Variants in MICAL3 observed in about 807,000 individuals in gnomAD.
MICAL3 encodes the protein microtubule associated monooxygenase, calponin and LIM domain containing 3, also known as [F-actin]-monooxygenase MICAL3.
A neutral mutation model predicts 207.4 loss-of-function variants in MICAL3; 62 were observed. The ratio of observed to expected loss-of-function variants is 0.30; its 90% CI spans 0.24 to 0.37. The LOEUF is 0.37. MICAL3 is among the 10% of genes least tolerant of loss of function. MICAL3 has a pLI of 1.00. For synonymous variants in MICAL3, 1,077 were observed against 1,069.3 expected, an observed-to-expected ratio of 1.01 and a Z score of -0.14; for missense variants, 2,368 against 2,635.6, an observed-to-expected ratio of 0.90 and a Z score of 2.22.
chr22:17,847,916 C>T (rs989876917), intron 19 of MICAL3, among the ~76,000 whole-genome samples: 8 of 152,144 alleles, frequency 5.3e-5, no homozygotes, highest in African/African-American at 1.2e-4. Context: ...CCTCCCAGCT[C>T]GGCCTCCCAA....
At chr22:18,001,139 G>C (rs1463746994) in intron 1 of MICAL3, 1 of 152,170 alleles carries the variant, frequency 6.6e-6, no homozygotes, top group African/African-American at 2.4e-5. Context: ...CGCGAGGCGG[G>C]GGCTTCCTCG....
chr22:17,911,793 C>CT (rs1397691124), intron 1 of MICAL3, among the ~76,000 whole-genome samples: 1 of 98,070 alleles, frequency 1.0e-5, no homozygotes, highest in African/African-American at 9.1e-5. Flanking sequence ...GATCATGCCA[C>CT]TGCACTCCAG....
chr22:18,023,326 C>G (rs1467232517), intron 1 of MICAL3, among the ~76,000 whole-genome samples: 1 of 152,100 alleles, frequency 6.6e-6, no homozygotes, highest in Admixed American at 6.6e-5. Context: ...ACCCAGGTAG[C>G]AGGATTTCTA....
At chr22:17,797,070 C>T (rs944273577) in intron 29 of MICAL3, among the ~76,000 whole-genome samples, 6 of 152,208 alleles carry the variant, frequency 3.9e-5, no homozygotes, top group African/African-American at 1.4e-4. Context: ...GATGAGCCCA[C>T]ACACTGAACC....
intron 1 of MICAL3, among the ~76,000 whole-genome samples, chr22:17,928,158 G>A (rs902311847): frequency 8.5e-5 from 13 of 152,072 alleles, no homozygotes. Flanking sequence ...CCTGTCCGTG[G>A]GCCGGGCGCG....
chr22:17,889,239 C>G lies in MICAL3; in HGVS notation c.1695-9G>C. The G allele has an allele frequency of 6.2e-7, 1 of 1,603,364 alleles. No individual in the cohort carries two copies. The highest frequency in any genetic ancestry group is 1.3e-5 in the African/African-American group (1 of 74,864). Reference sequence around the variant, plus strand: ...CCAAAGAATCAAAATCTCTGAGAAACAGGACAAGGAAAACATATCAAGATA... The same window carrying G: ...CCAAAGAATCAAAATCTCTGAGAAAGAGGACAAGGAAAACATATCAAGATA... On this transcript the variant is annotated splice_polypyrimidine_tract_variant and intron_variant, in intron 12 of 31. Transcript: ENST00000441493.
At chr22:17,904,909 G>GT (rs1931607655) in intron 2 of MICAL3, 70 bp from the exon 3 acceptor site, 2 of 1,162,442 alleles carry the variant, frequency 1.7e-6, no homozygotes, top group Non-Finnish European at 2.6e-6. Context: ...TCTCATGATT[G>GT]TAAGATCATC....
At chr22:17,975,756 G>A (rs1273984336) in intron 1 of MICAL3, among the ~76,000 whole-genome samples, 1 of 152,122 alleles carries the variant, frequency 6.6e-6, no homozygotes, top group Non-Finnish European at 1.5e-5. Flanking sequence ...CACCCTCCTG[G>A]CATATGTCCT....
In MICAL3 at chr22:17,818,269, G is replaced by T; in HGVS notation, c.4392C>A (p.Pro1464=). 4.0e-6 allele frequency: 6 copies of T among 1,515,200 alleles called. No individual in the cohort carries two copies. The highest frequency in any genetic ancestry group is 5.3e-6 in the Non-Finnish European group (6 of 1,136,368). 93.9% of individuals were successfully genotyped at this position (1,515,200 alleles called of 1,614,324 possible). The change falls in exon 26 of 32, where the codon CCC becomes CCA. Residue 1464 remains proline, a synonymous_variant. Coordinates refer to ENST00000441493, the MANE Select transcript of MICAL3 (RefSeq NM_015241.3). ...TPPSSPPPPP[P]PGEEPATLRR... ...GCAAGGTGGCGGGCTCCTCGCCCGG[G>T]GGTGGCGGTGGGGGCGGGCTGGAGG... is the stretch of plus-strand genomic sequence containing the variant.
intron 1 of MICAL3, among the ~76,000 whole-genome samples, chr22:17,984,154 G>A (rs1264280731): frequency 6.6e-6 from 1 of 152,070 alleles, no homozygotes; most frequent in Admixed American, 6.6e-5. Flanking sequence ...CCATCTATCT[G>A]ACATCTTGTT....
chr22:17,994,551 C>G (rs1294015195), intron 1 of MICAL3, among the ~76,000 whole-genome samples: 2 of 152,052 alleles, frequency 1.3e-5, no homozygotes, highest in Non-Finnish European at 2.9e-5. Flanking sequence ...TGTCTCTCCA[C>G]AAAATTTAAA....
chr22:17,847,186 G>A (rs990269459), intron 19 of MICAL3, among the ~76,000 whole-genome samples: 4 of 152,182 alleles, frequency 2.6e-5, no homozygotes, highest in African/African-American at 9.7e-5. Context: ...AGCAGCTGCT[G>A]AAGACACTTC....
chr22:17,818,330 C>G lies in MICAL3; in HGVS notation c.4331G>C (p.Ser1444Thr). 1 of 1,585,976 alleles carries G rather than the reference C, an allele frequency of 6.3e-7. No individual in the cohort carries two copies. The highest frequency in any genetic ancestry group is 1.7e-4 in the Middle Eastern group (1 of 5,744). Residue 1444 changes from serine (S) to threonine (T), a missense_variant, in exon 26 of 32, where the codon AGC (serine) becomes ACC (threonine). Ser to Thr is a moderately conservative substitution (Grantham distance 58). Coordinates refer to ENST00000441493, the MANE Select transcript of MICAL3 (RefSeq NM_015241.3). ...CATGGCGGAGTCCGAGGTGTTGAAG[C>G]TCTGGCTGCCCAGTGTCTTCATGTT... The part of the protein sequence containing the change: ...SSNMKTLGSQ[S>T]FNTSDSAMLT...
intron 1 of MICAL3, among the ~76,000 whole-genome samples, chr22:17,916,738 C>A (rs1422849137): frequency 2.0e-5 from 3 of 152,118 alleles, no homozygotes; most frequent in African/African-American, 7.2e-5. Context: ...GACCTCATAG[C>A]CCCTCTCTGC....
At chr22:17,848,018 GC>G (rs965263147) in intron 19 of MICAL3, among the ~76,000 whole-genome samples, 8 of 152,008 alleles carry the variant, frequency 5.3e-5, no homozygotes, top group Admixed American at 5.2e-4. Context: ...AGCCTTCCCT[GC>G]CCCGATCTTC....
Position 17,817,948 on chromosome 22 carries a change from CAG to C in MICAL3, c.4711_4712del (p.Leu1571GlyfsTer77). 6.2e-7 allele frequency: 1 copy of C among 1,612,486 alleles called. No homozygotes were observed. The highest frequency in any genetic ancestry group is 1.1e-5 in the South Asian group (1 of 91,086). On this transcript the variant is annotated frameshift_variant, in exon 26 of 32. Transcript: ENST00000441493. LOFTEE classifies it high-confidence loss of function. ...LAKENGRLPALEGTLQPQKRG... is the reference protein window; with the variant it reads ...LAKENGRLPAXEGTLQPQKRG... ...TCTTCTGTGGCTGCAGCGTCCCCTC[CAG>C]AGCAGGCAGCCTCCCGTTCTCCTTG...
At chr22:17,947,211 A>G (rs1934115193) in intron 1 of MICAL3, among the ~76,000 whole-genome samples, 1 of 152,336 alleles carries the variant, frequency 6.6e-6, no homozygotes, top group African/African-American at 2.4e-5. Flanking sequence ...TTCATCTTGC[A>G]GCCTGGGCCC....
At position 17,951,040 on chromosome 22, in the gene MICAL3, C is replaced by T. The variant is rs545286608; in HGVS notation, c.-74-44154G>A. On this transcript the variant is annotated intron_variant, in intron 1 of 31. Transcript: ENST00000441493. Reference sequence around the variant, plus strand: ...ACCACGGGTCTTCCGGGAGAAGGGCCAAAGCACTGCTCTCTCCAACTGGGC... The same window carrying T: ...ACCACGGGTCTTCCGGGAGAAGGGCTAAAGCACTGCTCTCTCCAACTGGGC... Among the ~76,000 whole-genome samples, 3 of 152,328 alleles carry T rather than the reference C, an allele frequency of 2.0e-5. No individual in the cohort carries two copies. In the East Asian group the frequency reaches 5.8e-4, roughly 29 times the overall value.
At chr22:17,870,991 G>A (rs1167045166) in intron 17 of MICAL3, among the ~76,000 whole-genome samples, 2 of 152,092 alleles carry the variant, frequency 1.3e-5, no homozygotes, top group Admixed American at 6.5e-5. Flanking sequence ...TCACAGTCAC[G>A]CAATCTTCTA....
Sources: allele counts gnomAD v4.1 joint callset (sites outside exome capture counted in the v4.1 genomes callset), GRCh38; gene constraint gnomAD v4.1.1; transcripts MANE v1.5; gene names NCBI Gene and HGNC (gene_info 2026-07-23, HGNC 2026-07-21).